The following POLK variants were observed in gnomAD, a reference collection of about 807,000 sequenced individuals.
POLK encodes the protein polymerase (DNA directed) kappa.
A neutral mutation model predicts 94.0 loss-of-function variants in POLK; 76 were observed. That is an observed-to-expected ratio of 0.81 (90% CI 0.67 to 0.98). The LOEUF is 0.98. POLK is among the 50% of genes least tolerant of loss of function. POLK has a pLI of 0.00. For synonymous variants in POLK, 349 were observed against 325.4 expected (o/e 1.07, Z -0.78); for missense variants, 954 against 1,010.1 (o/e 0.94, Z 0.75).
downstream of POLK, among the ~76,000 whole-genome samples, chr5:75,601,716 A>C (rs762036882): frequency 1.3e-5 from 2 of 152,150 alleles, no homozygotes; most frequent in Non-Finnish European, 2.9e-5. Flanking sequence ...GCCAGGGACT[A>C]TCAGGCCTTC....
At chr5:75,511,364 G>C (rs1767984619), upstream of POLK, 1 of 1,546,352 alleles carries the variant, frequency 6.5e-7, no homozygotes, top group South Asian at 1.2e-5. Flanking sequence ...TCCGCCCGCC[G>C]CGCCGCCGCC....
At chr5:75,596,810 C>A in exon 13 of POLK, 1 of 1,610,152 alleles carries the variant, frequency 6.2e-7, no homozygotes, top group Non-Finnish European at 8.5e-7. Context: ...TTAGTAGATA[C>A]TATAGATAAC....
At position 75,526,398 on chromosome 5, in the gene POLK, C is replaced by T. The variant is rs190806925; in HGVS notation, c.-14+14484C>T. Among the ~76,000 whole-genome samples the T allele has an allele frequency of 3.2e-4, 48 of 151,986 alleles. 1 individual carries two copies. The East Asian group carries it at 7.7e-3, about 25-fold the overall frequency. On this transcript the variant is annotated intron_variant, in intron 1 of 14. Transcript: ENST00000241436. Reference sequence around the variant, plus strand: ...CTTAGAAAATAAAAAACCTCAGCACCTAATTAATAAGATTTTTACTATGTA... The same window carrying T: ...CTTAGAAAATAAAAAACCTCAGCACTTAATTAATAAGATTTTTACTATGTA...
chr5:75,552,963 C>T (rs1157148562), intron 3 of POLK, among the ~76,000 whole-genome samples: 1 of 152,032 alleles, frequency 6.6e-6, no homozygotes, highest in Non-Finnish European at 1.5e-5. Context: ...GGAATGTTTT[C>T]TGCAATGCTG....
intron 1 of POLK, among the ~76,000 whole-genome samples, chr5:75,531,560 C>T (rs888944613): frequency 1.3e-5 from 2 of 151,954 alleles, no homozygotes; most frequent in African/African-American, 4.8e-5. Flanking sequence ...TTTGGGAGTC[C>T]AAGGCAGGTG....
intron 1 of POLK, among the ~76,000 whole-genome samples, chr5:75,521,958 A>C (rs1184910123): frequency 6.6e-6 from 1 of 152,036 alleles, no homozygotes; most frequent in African/African-American, 2.4e-5. Flanking sequence ...TGTGGAACGT[A>C]CCTCCTACCT....
rs146540664 is a variant in POLK, at chr5:75,596,651, G to C, written c.1958G>C (p.Ser653Thr). ...GAATGTCTTGATGGACCTTCAATCA[G>C]TGAAAACTTTAAAATGTTCTCGTGT... Residue 653 changes from serine (S) to threonine (T), a missense_variant, in exon 13 of 15, where the codon AGT (serine) becomes ACT (threonine). Physicochemically the swap from Ser to Thr is moderately conservative, Grantham distance 58. Transcript: ENST00000241436. 3.7e-6 allele frequency: 6 copies of C among 1,613,998 alleles called. No homozygotes were observed. The African/African-American group carries it at 5.3e-5, about 14-fold the overall frequency.
intron 1 of POLK, among the ~76,000 whole-genome samples, chr5:75,540,649 C>T (rs915778206): frequency 6.6e-6 from 1 of 152,110 alleles, no homozygotes; most frequent in African/African-American, 2.4e-5. Context: ...TTAAAAAATA[C>T]AGTACCAAAA....
At chr5:75,591,075 A>G (rs1772756657) in intron 11 of POLK, among the ~76,000 whole-genome samples, 1 of 152,222 alleles carries the variant, frequency 6.6e-6, no homozygotes. Context: ...GATAGAAGAA[A>G]TAAGACCTAG....
At position 75,547,289 on chromosome 5, in the gene POLK, A is replaced by G. The variant is rs1580987059; in HGVS notation, c.135+132A>G. The G allele has an allele frequency of 3.3e-5, 10 of 304,112 alleles. No individual in the cohort carries two copies. The East Asian group carries it at 6.3e-4, about 19-fold the overall frequency. The allele number at this position is 304,112 out of a possible 1,614,324, so 18.8% of individuals were successfully genotyped here. On this transcript the variant is annotated intron_variant, in intron 2 of 14. Coordinates refer to ENST00000241436, the Ensembl canonical transcript of POLK. ...ATATATATTATTTTTAAACTACAAA[A>G]GGGTATGGAATAATCTCCCTTCTAT...
intron 3 of POLK, among the ~76,000 whole-genome samples, chr5:75,561,042 C>G (rs1457128494): frequency 1.1e-4 from 16 of 152,082 alleles, no homozygotes; most frequent in Admixed American, 1.0e-3. Context: ...AATGGGATTG[C>G]TGGGTCAAAT....
exon 8 of POLK, chr5:75,583,301 C>G: frequency 6.3e-7 from 1 of 1,588,590 alleles, no homozygotes; most frequent in Non-Finnish European, 8.6e-7. Context: ...AGGCATTGCC[C>G]CAAATACAAT....
intron 11 of POLK, among the ~76,000 whole-genome samples, chr5:75,592,694 A>G (rs1013788065): frequency 7.0e-6 from 1 of 143,726 alleles, no homozygotes; most frequent in African/African-American, 2.9e-5. Context: ...GACTCTGTCT[A>G]AAACAACAAA....
intron 4 of POLK, among the ~76,000 whole-genome samples, chr5:75,570,542 G>A (rs918511766): frequency 6.6e-6 from 1 of 152,122 alleles, no homozygotes. Context: ...CCTAGTTCTG[G>A]AATAACATAC....
At chr5:75,523,244 C>A (rs1346610348) in intron 1 of POLK, among the ~76,000 whole-genome samples, 1 of 152,068 alleles carries the variant, frequency 6.6e-6, no homozygotes, top group Non-Finnish European at 1.5e-5. Context: ...AACACCTATC[C>A]ATTGGGATAT....
chr5:75,527,347 C>G (rs1768908941), intron 1 of POLK, among the ~76,000 whole-genome samples: 1 of 151,394 alleles, frequency 6.6e-6, no homozygotes, highest in Admixed American at 6.6e-5. Flanking sequence ...CCTGTCTCTG[C>G]AAAAATAAAT....
chr5:75,521,049 CTT>C (rs1580909703), intron 1 of POLK, among the ~76,000 whole-genome samples: 1 of 152,068 alleles, frequency 6.6e-6, no homozygotes, highest in Non-Finnish European at 1.5e-5. Flanking sequence ...AAGAGCCTCT[CTT>C]TGTCCTTGAC....
At chr5:75,550,586 GAT>G (rs1770288056) in intron 2 of POLK, among the ~76,000 whole-genome samples, 2 of 150,632 alleles carry the variant, frequency 1.3e-5, no homozygotes, top group Admixed American at 1.3e-4. Context: ...CTCAGAAAAA[GAT>G]AAAAAAAAGA....
At chr5:75,566,418 A>G (rs534851586) in intron 3 of POLK, among the ~76,000 whole-genome samples, 1 of 152,296 alleles carries the variant, frequency 6.6e-6, no homozygotes, top group African/African-American at 2.4e-5. Flanking sequence ...GGTATGAAAA[A>G]AAACTCCTGC....
Sources: allele counts gnomAD v4.1 joint callset (sites outside exome capture counted in the v4.1 genomes callset), GRCh38; gene constraint gnomAD v4.1.1; transcripts MANE v1.5; gene names NCBI Gene and HGNC (gene_info 2026-07-23, HGNC 2026-07-21).